KRT17: variants seen among roughly 807,000 people sequenced by gnomAD.
KRT17 encodes the protein keratin, type I cytoskeletal 17.
In KRT17, 29 loss-of-function variants were observed where a neutral mutation model predicts 45.6. The observed-to-expected ratio is 0.64, with a 90% CI of 0.47 to 0.87. KRT17 has a LOEUF of 0.87. Among genes scored for constraint, KRT17 ranks in the 40% least tolerant of loss-of-function variants. The probability of loss-of-function intolerance (pLI) is 0.00; values close to 1 mark genes in which losing one functional copy is unlikely to be tolerated. For missense variants in KRT17, 536 were observed against 577.8 expected, an observed-to-expected ratio of 0.93 and a Z score of 0.74; for synonymous variants, 219 against 234.6, an observed-to-expected ratio of 0.93 and a Z score of 0.61.
intron 1 of KRT17, among the ~76,000 whole-genome samples, chr17:41,623,512 G>A (rs188556586): frequency 6.6e-6 from 1 of 152,280 alleles, no homozygotes; most frequent in African/African-American, 2.4e-5. Flanking sequence ...GCGCCAGCCA[G>A]CAGCCCCGCC....
chr17:41,619,697 G>C lies in KRT17; in HGVS notation c.1205-9C>G, dbSNP rs773234475. 2 of 1,612,040 alleles carry C rather than the reference G, an allele frequency of 1.2e-6. No homozygotes were observed. Among genetic ancestry groups the C allele is most frequent in the East Asian group, 4.5e-5 (2 of 44,888 alleles). Reference sequence around the variant, plus strand: ...CTGACGGGTGGTCACCGCTGCAGGAGAAGCAGGCAATTTAAAGTGGGTAGG... The same window carrying C: ...CTGACGGGTGGTCACCGCTGCAGGACAAGCAGGCAATTTAAAGTGGGTAGG... On this transcript the variant is annotated splice_polypyrimidine_tract_variant and intron_variant, in intron 7 of 7. Coordinates refer to ENST00000311208, the MANE Select transcript of KRT17 (RefSeq NM_000422.3).
chr17:41,621,201 C>G, intron 4 of KRT17, 110 bp from the exon 5 acceptor site: 1 of 1,363,998 alleles, frequency 7.3e-7, no homozygotes, highest in Non-Finnish European at 1.0e-6. Context: ...CAGCTTCCCA[C>G]ATCCCAAAGC....
chr17:41,619,758 G>A (rs1191884829), intron 7 of KRT17, 70 bp from the exon 8 acceptor site: 1 of 1,609,422 alleles, frequency 6.2e-7, no homozygotes, highest in Admixed American at 1.7e-5. Context: ...TAGCCCTCAT[G>A]GACAGGAGCC....
chr17:41,620,295 A>C (rs1420302602), intron 7 of KRT17: 7 of 985,342 alleles, frequency 7.1e-6, no homozygotes, highest in Non-Finnish European at 8.4e-6. Context: ...TGTCTCCTCC[A>C]TCAGACTAGG....
chr17:41,621,793 C>T (rs771602115), intron 3 of KRT17, 39 bp from the exon 4 acceptor site: 3 of 1,611,348 alleles, frequency 1.9e-6, no homozygotes, highest in Non-Finnish European at 2.5e-6. Flanking sequence ...CATCTGGACC[C>T]ATCCTGACCT....
Position 41,620,161 on chromosome 17 carries a change from C to T in KRT17, c.1204+375G>A, listed in dbSNP as rs1908488434. On this transcript the variant is annotated intron_variant, in intron 7 of 7. Coordinates refer to ENST00000311208, the MANE Select transcript of KRT17 (RefSeq NM_000422.3). The stretch of plus-strand genomic sequence containing the variant: ...TGGAGGACAAGGACCATGTCCCTAT[C>T]TCCCATCAGGCTACAGACCCCAGAG... The T allele has an allele frequency of 3.0e-6, 3 of 985,396 alleles. No individual in the cohort carries two copies. In the African/African-American group the frequency reaches 5.2e-5, roughly 17 times the overall value. 61.0% of individuals were successfully genotyped at this position (985,396 alleles called of 1,614,324 possible).
At chr17:41,622,251 G>T in intron 3 of KRT17, 104 bp downstream of exon 3, 1 of 1,459,400 alleles carries the variant, frequency 6.9e-7, no homozygotes, top group Non-Finnish European at 9.6e-7. Flanking sequence ...GACTAATCCC[G>T]GTGCACCTGC....
In KRT17 at chr17:41,622,445, C is replaced by T. The variant is rs1474989540; in HGVS notation, c.582G>A (p.Leu194=). Reference sequence around the variant, plus strand: ...CGGCTCTGGCCAGGGTCAGCTCATCCAGCACCCTGCGCAGGCCATTGATGT... The same window carrying T: ...CGGCTCTGGCCAGGGTCAGCTCATCTAGCACCCTGCGCAGGCCATTGATGT... ...EADINGLRRV[L]DELTLARADL... Residue 194 remains leucine, a synonymous_variant, in exon 3 of 8, where the codon CTG becomes CTA. Coordinates refer to ENST00000311208, the MANE Select transcript of KRT17 (RefSeq NM_000422.3). 6.2e-7 allele frequency: 1 copy of T among 1,614,106 alleles called. No homozygotes were observed. The highest frequency in any genetic ancestry group is 8.5e-7 in the Non-Finnish European group (1 of 1,180,052).
chr17:41,619,627 G>A lies in KRT17; in HGVS notation c.1266C>T (p.Ser422=). The change falls in exon 8 of 8, where the codon TCC becomes TCT. Residue 422 remains serine, a synonymous_variant. Coordinates refer to ENST00000311208, the MANE Select transcript of KRT17 (RefSeq NM_000422.3). ...VEEVQDGKVI[S]SREQVHQTTR ...TGGTCTGGTGGACCTGCTCGCGGGA[G>A]GAGATGACCTTGCCATCCTGGACCT... 2 of 1,612,204 alleles carry A rather than the reference G, an allele frequency of 1.2e-6. No individual in the cohort carries two copies. Among genetic ancestry groups the A allele is most frequent in the Non-Finnish European group, 1.7e-6 (2 of 1,180,010 alleles).
Position 41,619,482 on chromosome 17 carries a change from C to G in KRT17, c.*112G>C. On this transcript the variant is annotated 3_prime_UTR_variant, in exon 8 of 8. Transcript: ENST00000311208. ...GCTTTATTGTCATCAGGCAAGGAAG[C>G]ATGGGGAAGGGACTGAAGCAGGGGG... 6.3e-7 allele frequency: 1 copy of G among 1,583,506 alleles called. No homozygotes were observed. The highest frequency in any genetic ancestry group is 8.6e-7 in the Non-Finnish European group (1 of 1,158,542).
chr17:41,623,176 G>T, intron 1 of KRT17, 144 bp from the exon 2 acceptor site: 1 of 678,774 alleles, frequency 1.5e-6, no homozygotes, highest in South Asian at 1.6e-5. Flanking sequence ...CAGAGGAGGG[G>T]CAAACAGGAG....
chr17:41,623,075 C>T, intron 1 of KRT17, 43 bp from the exon 2 acceptor site: 1 of 1,440,366 alleles, frequency 6.9e-7, no homozygotes, highest in Non-Finnish European at 9.8e-7. Context: ...ATGGGGGTGG[C>T]TGAGCCCACA....
At position 41,620,578 on chromosome 17, in the gene KRT17, A is replaced by C. The variant is rs768305595; in HGVS notation, c.1182-20T>G. Reference sequence around the variant, plus strand: ...GTCAGGCTGAAAGAAAAAAAAAAACAGAGAGGAAATTAGATGTGGGTCTGA... The same window carrying C: ...GTCAGGCTGAAAGAAAAAAAAAAACCGAGAGGAAATTAGATGTGGGTCTGA... On this transcript the variant is annotated intron_variant, in intron 6 of 7. Transcript: ENST00000311208. The C allele has an allele frequency of 4.4e-6, 7 of 1,603,428 alleles. No homozygotes were observed. Among genetic ancestry groups the C allele is most frequent in the African/African-American group, 1.4e-5 (1 of 73,976 alleles).
intron 7 of KRT17, chr17:41,620,128 T>C: frequency 6.1e-6 from 6 of 985,306 alleles, no homozygotes; most frequent in Non-Finnish European, 7.2e-6. Context: ...CTCCATCAGA[T>C]TGGAATTTGG....
intron 4 of KRT17, 126 bp downstream of exon 4, chr17:41,621,467 C>T: frequency 8.3e-7 from 1 of 1,202,764 alleles, no homozygotes; most frequent in East Asian, 2.4e-5. Context: ...AGTGGGTGAC[C>T]CTGTGGTCCA....
At chr17:41,622,918 C>G (rs373931546) in intron 2 of KRT17, 32 bp downstream of exon 2, 20 of 1,586,922 alleles carry the variant, frequency 1.3e-5, no homozygotes, top group African/African-American at 6.7e-5. Flanking sequence ...GCCAGCTGGC[C>G]CAGGCTGCCC....
chr17:41,623,217 C>T, intron 1 of KRT17, 185 bp from the exon 2 acceptor site: 1 of 594,272 alleles, frequency 1.7e-6, no homozygotes, highest in South Asian at 1.8e-5. Flanking sequence ...CTCTTCTTCC[C>T]CCGATACTCA....
chr17:41,624,360 G>A lies in KRT17; in HGVS notation c.150C>T (p.Ser50=), dbSNP rs1254048218. The A allele has an allele frequency of 5.0e-6, 8 of 1,611,154 alleles. No individual in the cohort carries two copies. The highest frequency in any genetic ancestry group is 5.1e-6 in the Non-Finnish European group (6 of 1,179,760). ...CRLGSAGGLG[S]TLGGSSYSSC... ...TGGAGTAGCTGCTACCCCCGAGGGT[G>A]CTGCCCAGGCCGCCAGCAGATCCCA... The change falls in exon 1 of 8, where the codon AGC becomes AGT. Residue 50 remains serine, a synonymous_variant. Coordinates refer to ENST00000311208, the MANE Select transcript of KRT17 (RefSeq NM_000422.3).
Position 41,621,746 on chromosome 17 carries a change from G to A in KRT17, c.681C>T (p.Asn227=), listed in dbSNP as rs147053246. The A allele has an allele frequency of 4.3e-5, 70 of 1,612,006 alleles. 1 individual carries two copies. The East Asian group carries it at 5.3e-4, about 12-fold the overall frequency. Residue 227 remains asparagine, a synonymous_variant, in exon 4 of 8, where the codon AAC becomes AAT. Coordinates refer to ENST00000311208, the MANE Select transcript of KRT17 (RefSeq NM_000422.3). The part of the protein sequence containing the change: ...YLKKNHEEEM[N]ALRGQVGGEI... ...CACCACCCACCTGGCCTCGCAGGGC[G>A]TTCATCTCCTATGGAAAAAGGGGAT...
Sources: allele counts gnomAD v4.1 joint callset (sites outside exome capture counted in the v4.1 genomes callset), GRCh38; gene constraint gnomAD v4.1.1; transcripts MANE v1.5; gene names NCBI Gene and HGNC (gene_info 2026-07-23, HGNC 2026-07-21).